The following MEIS2 variants were observed in gnomAD, a reference collection of about 807,000 sequenced individuals.
MEIS2 encodes the protein homeobox protein Meis2.
Under a neutral mutation model 58.6 loss-of-function variants are expected in MEIS2, and 9 were observed. The ratio of observed to expected loss-of-function variants is 0.15; its 90% confidence interval spans 0.09 to 0.27. The LOEUF (loss-of-function observed/expected upper bound fraction) is 0.27. MEIS2 is among the 10% of genes least tolerant of loss of function. The pLI is 1.00. For missense variants in MEIS2, 427 were observed against 635.0 expected (o/e 0.67, Z 3.52); for synonymous variants, 221 against 228.4 (o/e 0.97, Z 0.29).
chr15:37,093,654 A>G lies in MEIS2; in HGVS notation c.566T>C (p.Ile189Thr). 4 of 1,614,192 alleles carry G rather than the reference A, an allele frequency of 2.5e-6. No individual in the cohort carries two copies. Among genetic ancestry groups the G allele is most frequent in the South Asian group, 1.1e-5 (1 of 91,076 alleles). The change falls in exon 6 of 12, where the codon ATT becomes ACT. Residue 189 changes from isoleucine (I) to threonine (T), a missense_variant. Transcript: ENST00000561208. ...CTTGGAGCTGCCGTCTCTTTCATCA[A>G]TGACGAGGTCGATGGGCATTTTCCC... ...LKGKMPIDLVIDERDGSSKSD... is the reference protein window; with the variant it reads ...LKGKMPIDLVTDERDGSSKSD...
Position 36,890,577 on chromosome 15 carries a change from TTTTC to T in MEIS2, c.*1592_*1595del, listed in dbSNP as rs2055804603. The T allele has an allele frequency of 6.6e-6, 1 of 152,130 alleles. No individual in the cohort carries two copies. The highest frequency in any genetic ancestry group is 3.2e-3 in the Middle Eastern group (1 of 316). The allele number at this position is 152,130 out of a possible 1,614,324, so 9.4% of individuals were successfully genotyped here. ...TTATCTATGAACACCCATATGTAAATTTTCATTTACATATCCAACAATATTGTAG... is the reference window on the plus strand; with the variant it reads ...TTATCTATGAACACCCATATGTAAATATTTACATATCCAACAATATTGTAG... On this transcript the variant is annotated 3_prime_UTR_variant, in exon 12 of 12. Transcript: ENST00000561208.
At chr15:37,075,794 C>A (rs1891329409) in intron 7 of MEIS2, among the ~76,000 whole-genome samples, 1 of 151,868 alleles carries the variant, frequency 6.6e-6, no homozygotes. Context: ...CTGGGCAGAT[C>A]AGGAAGGCTC....
intron 8 of MEIS2, among the ~76,000 whole-genome samples, chr15:36,958,824 C>T (rs1202987435): frequency 6.6e-6 from 1 of 152,086 alleles, no homozygotes. Flanking sequence ...ACAAATAAGG[C>T]CTTGACTCAT....
chr15:36,947,009 G>C (rs1273788331), intron 9 of MEIS2, among the ~76,000 whole-genome samples: 1 of 151,994 alleles, frequency 6.6e-6, no homozygotes, highest in Non-Finnish European at 1.5e-5. Flanking sequence ...CCTAACGCGT[G>C]TACTTTGGTT....
intron 9 of MEIS2, among the ~76,000 whole-genome samples, chr15:36,900,127 G>A (rs989779510): frequency 4.0e-5 from 6 of 151,852 alleles, no homozygotes; most frequent in South Asian, 2.1e-4. Flanking sequence ...CTTTTCTATC[G>A]GTTTAAACAA....
chr15:37,036,966 G>A lies in MEIS2; in HGVS notation c.755-7C>T, dbSNP rs770752394. The A allele has an allele frequency of 1.3e-6, 2 of 1,597,046 alleles. No individual in the cohort carries two copies. The stretch of plus-strand genomic sequence containing the variant: ...CTGTTGTCTAAACCATCCCCTAGTA[G>A]AAAGAAATAAAAATACATTAGAGAA... On this transcript the variant is annotated splice_polypyrimidine_tract_variant and splice_region_variant and intron_variant, in intron 7 of 11. Coordinates refer to ENST00000561208, the MANE Select transcript of MEIS2 (RefSeq NM_170675.5).
At chr15:36,908,925 G>A (rs1337148193) in intron 9 of MEIS2, among the ~76,000 whole-genome samples, 3 of 151,962 alleles carry the variant, frequency 2.0e-5, no homozygotes, top group African/African-American at 7.3e-5. Flanking sequence ...GGCAACAAGA[G>A]TGAAACTCCA....
At chr15:37,096,086 TGG>T in intron 3 of MEIS2, 1 of 554,630 alleles carries the variant, frequency 1.8e-6, no homozygotes, top group Non-Finnish European at 3.1e-6. Context: ...GTATTCCTGC[TGG>T]GGGGGAAAAC....
intron 8 of MEIS2, among the ~76,000 whole-genome samples, chr15:36,961,287 T>C (rs1362659098): frequency 1.3e-5 from 2 of 152,168 alleles, no homozygotes; most frequent in African/African-American, 4.8e-5. Context: ...TGTGAACATG[T>C]ATTTTTCTGG....
At chr15:36,988,194 A>C (rs1358415701) in intron 8 of MEIS2, among the ~76,000 whole-genome samples, 1 of 152,192 alleles carries the variant, frequency 6.6e-6, no homozygotes, top group East Asian at 1.9e-4. Flanking sequence ...AATTTGCTTG[A>C]CTGCACTAAT....
intron 9 of MEIS2, among the ~76,000 whole-genome samples, chr15:36,904,711 G>C (rs185122884): frequency 6.6e-6 from 1 of 151,212 alleles, no homozygotes; most frequent in East Asian, 2.0e-4. Context: ...ATCAATCATT[G>C]AGAGCTGGGT....
Position 37,098,148 on chromosome 15 carries a change from A to G in MEIS2, c.64T>C (p.Ser22Pro). ...GGCGCGTGAGGGTCTCCGTACATGG[A>G]AGCGGGAACCCCTACTCCGTCCATC... The part of the protein sequence containing the change: ...GGMDGVGVPA[S>P]MYGDPHAPRP... The change falls in exon 2 of 12, where the codon TCC (serine) becomes CCC (proline). Residue 22 changes from serine to proline, a missense_variant. By Grantham distance (74) the Ser-to-Pro change is moderately conservative. This residue lies in a region of MEIS2 where 103 missense variants were observed against 111.8 expected (regional missense o/e 0.92). Coordinates refer to ENST00000561208, the MANE Select transcript of MEIS2 (RefSeq NM_170675.5). 1 of 1,612,622 alleles carries G rather than the reference A, an allele frequency of 6.2e-7. No individual in the cohort carries two copies. Among genetic ancestry groups the G allele is most frequent in the Middle Eastern group, 1.7e-4 (1 of 6,052 alleles).
At chr15:36,987,040 A>T (rs2060115537) in intron 8 of MEIS2, among the ~76,000 whole-genome samples, 1 of 152,164 alleles carries the variant, frequency 6.6e-6, no homozygotes, top group African/African-American at 2.4e-5. Context: ...TAAGAAAATA[A>T]AACTTTCTGG....
intron 8 of MEIS2, among the ~76,000 whole-genome samples, chr15:36,992,901 C>T (rs1007822938): frequency 1.3e-5 from 2 of 152,098 alleles, no homozygotes; most frequent in African/African-American, 4.8e-5. Context: ...ATCATATTAC[C>T]TAACTTTGGA....
chr15:37,097,758 G>A (rs1894463180), intron 2 of MEIS2, among the ~76,000 whole-genome samples: 1 of 152,090 alleles, frequency 6.6e-6, no homozygotes, highest in Non-Finnish European at 1.5e-5. Context: ...GTCGGGCTGT[G>A]AGAGCGAAAG....
Position 37,098,115 on chromosome 15 carries a change from T to C in MEIS2, c.97A>G (p.Ile33Val), listed in dbSNP as rs774160502. 1.9e-6 allele frequency: 3 copies of C among 1,613,254 alleles called. No homozygotes were observed. In the Admixed American group the frequency reaches 5.0e-5, roughly 27 times the overall value. The change falls in exon 2 of 12, where the codon ATC (isoleucine) becomes GTC (valine). Residue 33 changes from isoleucine (I) to valine (V), a missense_variant. Ile to Val is a conservative substitution (Grantham distance 29). This residue lies in a region of MEIS2 where 103 missense variants were observed against 111.8 expected (regional missense o/e 0.92). Coordinates refer to ENST00000561208, the MANE Select transcript of MEIS2 (RefSeq NM_170675.5). ...MYGDPHAPRP[I>V]PPVHHLNHGP... ...TGGTTCAGGTGGTGAACCGGGGGGA[T>C]CGGCCGCGGCGCGTGAGGGTCTCCG... is the stretch of plus-strand genomic sequence containing the variant.
intron 9 of MEIS2, chr15:36,898,208 G>C (rs142405588): frequency 0.021 from 3,260 of 152,346 alleles, 68 homozygotes; most frequent in Non-Finnish European, 0.032. Context: ...TGTTGCTGAG[G>C]AATGAATATC....
At chr15:36,979,531 CT>C (rs2059863837) in intron 8 of MEIS2, among the ~76,000 whole-genome samples, 3 of 151,540 alleles carry the variant, frequency 2.0e-5, no homozygotes, top group Non-Finnish European at 1.5e-5. Context: ...TTGGGATAAA[CT>C]TTTTTTTCAT....
chr15:36,903,514 C>T (rs2056581298), intron 9 of MEIS2, among the ~76,000 whole-genome samples: 1 of 152,186 alleles, frequency 6.6e-6, no homozygotes, highest in African/African-American at 2.4e-5. Context: ...GATCTGGATA[C>T]CTACACACCT....
Sources: allele counts gnomAD v4.1 joint callset (sites outside exome capture counted in the v4.1 genomes callset), GRCh38; gene constraint gnomAD v4.1.1; regional missense constraint gnomAD v4.1.1; transcripts MANE v1.5; gene names NCBI Gene and HGNC (gene_info 2026-07-23, HGNC 2026-07-21).